Variants in MERTK observed in about 807,000 individuals in gnomAD.
MERTK encodes the protein tyrosine-protein kinase Mer.
Under a neutral mutation model 99.3 loss-of-function variants are expected in MERTK, and 69 were observed. The ratio of observed to expected loss-of-function variants is 0.70; its 90% CI spans 0.57 to 0.85. MERTK has a LOEUF of 0.85. Among genes scored for constraint, MERTK ranks in the 40% least tolerant of loss-of-function variants. MERTK has a pLI of 0.00. For missense variants in MERTK, 1,125 were observed against 1,249.4 expected (o/e 0.90, Z 1.50); for synonymous variants, 426 against 467.6 (o/e 0.91, Z 1.15).
rs756955103 is a variant in MERTK, at chr2:112,010,110, A to G, written c.2079+44A>G. 24 of 1,381,316 alleles carry G rather than the reference A, an allele frequency of 1.7e-5. No individual in the cohort carries two copies. The East Asian group carries it at 5.0e-4, about 29-fold the overall frequency. 85.6% of individuals were successfully genotyped at this position (1,381,316 alleles called of 1,614,324 possible). On this transcript the variant is annotated intron_variant, in intron 15 of 18. Coordinates refer to ENST00000295408, the MANE Select transcript of MERTK (RefSeq NM_006343.3). The stretch of plus-strand genomic sequence containing the variant: ...TACCCCTGAACACTTCTCAGGGCTT[A>G]TGTGACTTAGCCAGGACAACCAAAT...
In MERTK at chr2:112,028,652, A is replaced by C. The variant is rs375163842; in HGVS notation, c.2788A>C (p.Ile930Leu). ...HDSKPHEGRY[I>L]LNGGSEEWED... is the part of the protein sequence containing the mutation. The stretch of plus-strand genomic sequence containing the variant: ...CAGCAAACCTCATGAAGGACGGTAC[A>C]TCCTGAATGGGGGCAGTGAGGAATG... The change falls in exon 19 of 19, where the codon ATC (isoleucine) becomes CTC (leucine). Residue 930 changes from isoleucine to leucine, a missense_variant. Ile to Leu is a conservative substitution (Grantham distance 5). Coordinates refer to ENST00000295408, the MANE Select transcript of MERTK (RefSeq NM_006343.3). The C allele has an allele frequency of 6.9e-5, 111 of 1,614,078 alleles. No homozygotes were observed. Among genetic ancestry groups the C allele is most frequent in the Non-Finnish European group, 9.2e-5 (109 of 1,180,042 alleles).
chr2:111,899,448 T>C (rs1233449920), intron 1 of MERTK, among the ~76,000 whole-genome samples: 3 of 152,120 alleles, frequency 2.0e-5, no homozygotes, highest in Admixed American at 1.3e-4. Flanking sequence ...ACTCCTGTTA[T>C]GGCAGAACAG....
chr2:111,975,648 G>A (rs1676232069), intron 7 of MERTK, among the ~76,000 whole-genome samples, 176 bp downstream of exon 7: 1 of 152,180 alleles, frequency 6.6e-6, no homozygotes, highest in African/African-American at 2.4e-5. Context: ...TACTGTAAAA[G>A]CATTCAGTGA....
At chr2:111,976,596 A>G (rs1445103633) in intron 7 of MERTK, among the ~76,000 whole-genome samples, 2 of 151,904 alleles carry the variant, frequency 1.3e-5, no homozygotes, top group African/African-American at 4.8e-5. Context: ...ATGTACATAT[A>G]CACACATATA....
chr2:111,912,581 T>C (rs565970012), intron 1 of MERTK, among the ~76,000 whole-genome samples: 35 of 152,248 alleles, frequency 2.3e-4, no homozygotes, highest in African/African-American at 7.5e-4. Flanking sequence ...TTCAGCCCCA[T>C]TATATGTTGC....
chr2:111,918,683 A>T (rs145963844), intron 1 of MERTK, among the ~76,000 whole-genome samples: 2 of 152,262 alleles, frequency 1.3e-5, no homozygotes, highest in South Asian at 4.1e-4. Context: ...TATGTTTGGC[A>T]TTGATAGTCC....
intron 3 of MERTK, 125 bp from the exon 4 acceptor site, chr2:111,947,269 T>TCACC: frequency 1.6e-6 from 1 of 635,404 alleles, no homozygotes; most frequent in Non-Finnish European, 2.7e-6. Context: ...CAAGACTCCA[T>TCACC]CCCCACCCGC....
intron 2 of MERTK, among the ~76,000 whole-genome samples, chr2:111,932,371 C>G (rs1428780041): frequency 6.6e-6 from 1 of 152,058 alleles, no homozygotes; most frequent in Non-Finnish European, 1.5e-5. Context: ...TTAGTAGAGA[C>G]GGGATTTCAC....
intron 2 of MERTK, among the ~76,000 whole-genome samples, chr2:111,934,407 T>C (rs193302783): frequency 6.6e-6 from 1 of 152,324 alleles, no homozygotes; most frequent in African/African-American, 2.4e-5. Context: ...TTTTTAATGA[T>C]TGCCATTTAA....
intron 7 of MERTK, among the ~76,000 whole-genome samples, chr2:111,975,756 A>G (rs1241909572): frequency 6.6e-6 from 1 of 152,212 alleles, no homozygotes; most frequent in African/African-American, 2.4e-5. Flanking sequence ...ACAACAATCA[A>G]TACATGTTAC....
intron 15 of MERTK, among the ~76,000 whole-genome samples, chr2:112,011,580 C>G (rs999276304): frequency 2.0e-5 from 3 of 152,018 alleles, no homozygotes; most frequent in African/African-American, 7.3e-5. Context: ...GAAACCCCAT[C>G]TCTCATGAAA....
At chr2:111,918,547 G>A (rs996172571) in intron 1 of MERTK, among the ~76,000 whole-genome samples, 1 of 152,224 alleles carries the variant, frequency 6.6e-6, no homozygotes, top group Admixed American at 6.5e-5. Context: ...GCCTTTCTGT[G>A]ACAATTGGCA....
chr2:111,923,399 A>G (rs2104679810), intron 1 of MERTK, among the ~76,000 whole-genome samples: 1 of 152,306 alleles, frequency 6.6e-6, no homozygotes, highest in East Asian at 1.9e-4. Context: ...TTGGAAACAC[A>G]TGGGCACAGT....
At chr2:111,932,313 C>G (rs1036528100) in intron 2 of MERTK, among the ~76,000 whole-genome samples, 8 of 152,148 alleles carry the variant, frequency 5.3e-5, no homozygotes, top group African/African-American at 1.9e-4. Flanking sequence ...TCCCGAGTAG[C>G]TGGGACTACA....
rs746291728 is a variant in MERTK, at chr2:112,028,394, C to A, written c.2530C>A (p.Arg844Ser). 6.2e-7 allele frequency: 1 copy of A among 1,614,120 alleles called. No homozygotes were observed. Among genetic ancestry groups the A allele is most frequent in the Admixed American group, 1.7e-5 (1 of 60,014 alleles). Residue 844 changes from arginine to serine, a missense_variant, in exon 19 of 19, where the codon CGC becomes AGC. Physicochemically the swap from Arg to Ser is moderately radical, Grantham distance 110. Transcript: ENST00000295408. ...TTGCTGGAGAACCGATCCCTTAGACCGCCCCACCTTTTCAGTATTGAGGCT... is the reference window on the plus strand; with the variant it reads ...TTGCTGGAGAACCGATCCCTTAGACAGCCCCACCTTTTCAGTATTGAGGCT... ...YSCWRTDPLD[R>S]PTFSVLRLQL...
intron 8 of MERTK, among the ~76,000 whole-genome samples, chr2:111,988,601 C>G (rs940758458): frequency 6.6e-6 from 1 of 152,230 alleles, no homozygotes; most frequent in Admixed American, 6.5e-5. Flanking sequence ...TGATTACTTG[C>G]AGCATGCCAG....
chr2:111,962,787 C>T (rs1189950839), intron 4 of MERTK, among the ~76,000 whole-genome samples: 10 of 152,192 alleles, frequency 6.6e-5, no homozygotes, highest in African/African-American at 2.4e-4. Flanking sequence ...TCTTATTAGG[C>T]TCCTCTTGGC....
chr2:112,003,910 T>G lies in MERTK; in HGVS notation c.1793T>G (p.Phe598Cys). 6.2e-7 allele frequency: 1 copy of G among 1,613,030 alleles called. No homozygotes were observed. ...ILGKILGEGEFGSVMEGNLKQ... is the reference protein window; with the variant it reads ...ILGKILGEGECGSVMEGNLKQ... ...GTGTTCTTTCACTTCACAGGAGAGT[T>G]TGGGTCTGTAATGGAAGGAAATCTT... Residue 598 changes from phenylalanine to cysteine, a missense_variant, in exon 13 of 19, where the codon TTT becomes TGT. Transcript: ENST00000295408.
intron 18 of MERTK, among the ~76,000 whole-genome samples, chr2:112,025,078 T>G (rs1252345822): frequency 6.6e-6 from 1 of 152,200 alleles, no homozygotes; most frequent in Non-Finnish European, 1.5e-5. Flanking sequence ...GTGCCCTGTG[T>G]TAGATGGACT....
Sources: allele counts gnomAD v4.1 joint callset (sites outside exome capture counted in the v4.1 genomes callset), GRCh38; gene constraint gnomAD v4.1.1; transcripts MANE v1.5; gene names NCBI Gene and HGNC (gene_info 2026-07-23, HGNC 2026-07-21).